The following AGBL1 variants were observed in gnomAD, a reference collection of about 807,000 sequenced individuals.
AGBL1 encodes the protein cytosolic carboxypeptidase 4.
In AGBL1, 130 loss-of-function variants were observed where a neutral mutation model predicts 118.9. The observed-to-expected ratio is 1.09, with a 90% CI of 0.95 to 1.26. The LOEUF (loss-of-function observed/expected upper bound fraction) is 1.26. Ranked by LOEUF, AGBL1 falls within the 50% of genes most tolerant of loss-of-function variation. The pLI is 0.00. For synonymous variants in AGBL1, 555 were observed against 478.9 expected (o/e 1.16, Z -2.08); for missense variants, 1,584 against 1,298.1 (o/e 1.22, Z -3.38).
At chr15:86,641,731 A>G (rs2085194856) in intron 21 of AGBL1, among the ~76,000 whole-genome samples, 2 of 152,136 alleles carry the variant, frequency 1.3e-5, no homozygotes, top group South Asian at 4.1e-4. Flanking sequence ...AGCTTGGGCA[A>G]CATAGTGAGA....
chr15:86,527,841 G>C (rs1472618082), intron 19 of AGBL1, among the ~76,000 whole-genome samples: 3 of 152,246 alleles, frequency 2.0e-5, no homozygotes, highest in African/African-American at 4.8e-5. Flanking sequence ...TACCAGACAA[G>C]TCATTCACTT....
At chr15:86,689,748 A>T (rs2086130182) in intron 22 of AGBL1, among the ~76,000 whole-genome samples, 2 of 152,186 alleles carry the variant, frequency 1.3e-5, no homozygotes, top group Non-Finnish European at 2.9e-5. Flanking sequence ...GTATAATGTG[A>T]TACTACAACA....
chr15:86,082,764 C>T (rs1166055321), intron 1 of AGBL1, among the ~76,000 whole-genome samples: 1 of 152,192 alleles, frequency 6.6e-6, no homozygotes, highest in African/African-American at 2.4e-5. Flanking sequence ...CAGATTTCTA[C>T]CCAGACATGT....
intron 17 of AGBL1, among the ~76,000 whole-genome samples, chr15:86,334,537 C>T (rs966268243): frequency 2.0e-4 from 30 of 152,102 alleles, no homozygotes; most frequent in African/African-American, 7.0e-4. Context: ...GATGAATATT[C>T]CATGGTCATG....
At chr15:86,713,520 C>G (rs2086592416) in intron 22 of AGBL1, among the ~76,000 whole-genome samples, 1 of 152,068 alleles carries the variant, frequency 6.6e-6, no homozygotes, top group African/African-American at 2.4e-5. Flanking sequence ...CCCCAGTGCC[C>G]ATAGAGCACT....
At chr15:86,562,140 C>A (rs867798487) in intron 21 of AGBL1, among the ~76,000 whole-genome samples, 1 of 152,140 alleles carries the variant, frequency 6.6e-6, no homozygotes, top group Admixed American at 6.5e-5. Flanking sequence ...ATGGAATACC[C>A]TTTATTTCTT....
rs187349141 is a variant in AGBL1 at position 86,932,592 on chromosome 15, A to C, written c.3222-55395A>C. Among the ~76,000 whole-genome samples, 12 of 152,368 alleles carry C rather than the reference A, an allele frequency of 7.9e-5. No individual in the cohort carries two copies. In the East Asian group the frequency reaches 2.3e-3, roughly 29 times the overall value. ...AATCAAATCACCAGTCTTCAGAGAC[A>C]ATCAGTTAGGTCACATTTAGTCAAC... On this transcript the variant is annotated intron_variant, in intron 23 of 24. Transcript: ENST00000441037.
intron 21 of AGBL1, among the ~76,000 whole-genome samples, chr15:86,593,296 AT>A (rs35818219): frequency 6.8e-4 from 99 of 145,790 alleles, no homozygotes; most frequent in Non-Finnish European, 5.9e-4. Flanking sequence ...GGAACCTTAG[AT>A]TTTTTTTTTT....
intron 5 of AGBL1, among the ~76,000 whole-genome samples, chr15:86,220,954 C>G (rs926866256): frequency 6.6e-6 from 1 of 152,176 alleles, no homozygotes; most frequent in African/African-American, 2.4e-5. Context: ...AATCCTAGCA[C>G]TTTGGGAGGC....
chr15:86,129,544 T>C (rs1015122470), intron 1 of AGBL1, among the ~76,000 whole-genome samples: 3 of 152,214 alleles, frequency 2.0e-5, no homozygotes, highest in African/African-American at 4.8e-5. Context: ...GTATGAGTAA[T>C]TAATGCATTT....
At chr15:86,326,231 A>G (rs1386071732) in intron 17 of AGBL1, among the ~76,000 whole-genome samples, 1 of 152,144 alleles carries the variant, frequency 6.6e-6, no homozygotes, top group Non-Finnish European at 1.5e-5. Context: ...CATAGACATA[A>G]TGTATACCCT....
intron 17 of AGBL1, among the ~76,000 whole-genome samples, chr15:86,375,756 GCTTCTGTGTTCAGTTA>G (rs2081034474): frequency 6.6e-6 from 1 of 152,164 alleles, no homozygotes; most frequent in South Asian, 2.1e-4. Flanking sequence ...CACTGCTGCT[GCTTCTGTGTTCAGTTA>G]CTTTATAGTT....
intron 6 of AGBL1, among the ~76,000 whole-genome samples, chr15:86,227,674 G>A (rs556506029): frequency 6.6e-6 from 1 of 152,324 alleles, no homozygotes; most frequent in East Asian, 1.9e-4. Flanking sequence ...AGTTTCAAAA[G>A]ACCCCTTCCA....
At chr15:86,857,629 T>C (rs1250123987) in intron 22 of AGBL1, among the ~76,000 whole-genome samples, 1 of 152,176 alleles carries the variant, frequency 6.6e-6, no homozygotes, top group African/African-American at 2.4e-5. Context: ...CAGAACCTCA[T>C]ATCATCACAG....
At chr15:86,919,117 T>C (rs1268384348), downstream of AGBL1, among the ~76,000 whole-genome samples, 2 of 152,220 alleles carry the variant, frequency 1.3e-5, no homozygotes, top group African/African-American at 4.8e-5. Flanking sequence ...CAAGTGATAC[T>C]CAGTTTACTT....
chr15:86,273,685 C>T (rs1597662618), intron 15 of AGBL1, among the ~76,000 whole-genome samples: 3 of 152,196 alleles, frequency 2.0e-5, no homozygotes, highest in Non-Finnish European at 4.4e-5. Context: ...GAGAACTTTA[C>T]TTCCCTATTT....
rs144727555 is a variant in AGBL1 at position 86,703,731 on chromosome 15, T to C, written c.3158+29295T>C. Among the ~76,000 whole-genome samples the C allele has an allele frequency of 3.4e-4, 51 of 152,236 alleles. 1 individual carries two copies. The highest frequency in any genetic ancestry group is 1.2e-3 in the African/African-American group (50 of 41,558). On this transcript the variant is annotated intron_variant, in intron 22 of 22. Transcript: ENST00000614907. ...TCATAAAGGGGAGTTTCTCTGCACA[T>C]GCTCTCTTGCCTGCTGCCAGGTAAG...
At chr15:86,801,120 C>T (rs1384739338) in intron 22 of AGBL1, among the ~76,000 whole-genome samples, 1 of 151,966 alleles carries the variant, frequency 6.6e-6, no homozygotes, top group Non-Finnish European at 1.5e-5. Flanking sequence ...CAAAATGATC[C>T]TTACATTCAC....
chr15:86,748,164 C>G (rs1475431834), intron 22 of AGBL1, among the ~76,000 whole-genome samples: 61 of 152,156 alleles, frequency 4.0e-4, no homozygotes, highest in Admixed American at 3.9e-3. Flanking sequence ...TTTTAATGAT[C>G]ACCATTCTAA....
Sources: allele counts gnomAD v4.1 joint callset (sites outside exome capture counted in the v4.1 genomes callset), GRCh38; gene constraint gnomAD v4.1.1; transcripts MANE v1.5; gene names NCBI Gene and HGNC (gene_info 2026-07-23, HGNC 2026-07-21).